Variants in SBF2 observed in about 807,000 individuals in gnomAD.
The protein encoded by SBF2 is SET binding factor 2, also known as myotubularin-related protein 13.
In SBF2, 112 loss-of-function variants were observed where a neutral mutation model predicts 225.2. That is an observed-to-expected ratio of 0.50 (90% confidence interval 0.43 to 0.58). The LOEUF (loss-of-function observed/expected upper bound fraction) is 0.58, where lower values mean the gene tolerates loss of function less well. Among genes scored for constraint, SBF2 ranks in the 20% least tolerant of loss-of-function variants. SBF2 has a pLI of 0.00. For missense variants in SBF2, 1,996 were observed against 2,206.2 expected (o/e 0.90, Z 1.91); for synonymous variants, 763 against 773.3 (o/e 0.99, Z 0.22).
intron 2 of SBF2, among the ~76,000 whole-genome samples, chr11:10,163,538 C>T (rs1238210953): frequency 1.3e-5 from 2 of 152,076 alleles, no homozygotes; most frequent in Admixed American, 6.5e-5. Context: ...TACCAGGAAC[C>T]ATTTTAAGCA....
chr11:10,092,220 C>T (rs747171526), intron 2 of SBF2, among the ~76,000 whole-genome samples: 1 of 152,062 alleles, frequency 6.6e-6, no homozygotes, highest in Non-Finnish European at 1.5e-5. Flanking sequence ...CAGTAAGGGT[C>T]TCAGGCCCTA....
chr11:9,895,583 T>C (rs1383330549), intron 17 of SBF2, among the ~76,000 whole-genome samples: 1 of 152,002 alleles, frequency 6.6e-6, no homozygotes, highest in East Asian at 1.9e-4. Context: ...TGAGTGGCCC[T>C]GGGACATAGC....
At chr11:9,806,110 T>G (rs1853830438) in intron 32 of SBF2, among the ~76,000 whole-genome samples, 1 of 152,246 alleles carries the variant, frequency 6.6e-6, no homozygotes, top group African/African-American at 2.4e-5. Flanking sequence ...CCAAGAATTC[T>G]CAGACTAAGT....
intron 39 of SBF2, among the ~76,000 whole-genome samples, chr11:9,781,044 A>G (rs1225282128): frequency 2.0e-5 from 3 of 152,240 alleles, no homozygotes; most frequent in Admixed American, 6.5e-5. Flanking sequence ...CAGGGACTAC[A>G]TAAGTCTCCT....
chr11:9,985,992 C>T (rs926388520), intron 13 of SBF2, among the ~76,000 whole-genome samples: 1 of 152,150 alleles, frequency 6.6e-6, no homozygotes, highest in African/African-American at 2.4e-5. Context: ...TTCTATTCAA[C>T]AGCACATGGA....
chr11:9,947,231 CA>C (rs1469556419), intron 16 of SBF2, among the ~76,000 whole-genome samples: 1 of 152,080 alleles, frequency 6.6e-6, no homozygotes, highest in East Asian at 1.9e-4. Context: ...GGGGTTAGTC[CA>C]TTGTTTTAAA....
Position 9,998,284 on chromosome 11 carries a change from A to C in SBF2, c.957T>G (p.Thr319=). 3 of 1,588,084 alleles carry C rather than the reference A, an allele frequency of 1.9e-6. No individual in the cohort carries two copies. Among genetic ancestry groups the C allele is most frequent in the Non-Finnish European group, 2.6e-6 (3 of 1,156,616 alleles). Residue 319 remains threonine, a synonymous_variant, in exon 9 of 40, where the codon ACT becomes ACG. Transcript: ENST00000256190. Reference sequence around the variant, plus strand: ...GTCATACCAAAGAAAGAGCTGATTGAGTCTGATGTAGAAGTGGTTCTGGGA... The same window carrying C: ...GTCATACCAAAGAAAGAGCTGATTGCGTCTGATGTAGAAGTGGTTCTGGGA... ...SSLPEPLLHQ[T]QSALSLILHP...
intron 17 of SBF2, among the ~76,000 whole-genome samples, chr11:9,877,009 G>A (rs960024690): frequency 2.0e-5 from 3 of 152,290 alleles, no homozygotes; most frequent in African/African-American, 7.2e-5. Context: ...AAAGTGTTGG[G>A]ATTACAGGCG....
intron 26 of SBF2, among the ~76,000 whole-genome samples, chr11:9,835,756 ATAT>A (rs1364152133): frequency 6.6e-6 from 1 of 151,908 alleles, no homozygotes; most frequent in African/African-American, 2.4e-5. Flanking sequence ...CTTTTGCTCA[ATAT>A]TATGTTTATG....
chr11:10,290,530 A>G (rs10770106), intron 1 of SBF2, among the ~76,000 whole-genome samples: 57,470 of 151,776 alleles, frequency 0.38, 11,476 homozygotes, highest in Non-Finnish European at 0.42. Flanking sequence ...TCTTAGATCC[A>G]GACTGGGGTA....
At chr11:9,809,038 C>A in intron 30 of SBF2, 36 bp from the exon 31 acceptor site, 1 of 1,543,434 alleles carries the variant, frequency 6.5e-7, no homozygotes, top group Non-Finnish European at 9.0e-7. Context: ...TTAGACCAAG[C>A]GCTTTCTGAG....
At chr11:10,048,679 G>A (rs1415047600) in intron 2 of SBF2, among the ~76,000 whole-genome samples, 1 of 152,054 alleles carries the variant, frequency 6.6e-6, no homozygotes, top group African/African-American at 2.4e-5. Context: ...TCAAGCACCT[G>A]AGAGTTTTGT....
intron 1 of SBF2, among the ~76,000 whole-genome samples, chr11:10,271,069 A>T (rs1284966776): frequency 6.6e-6 from 1 of 151,788 alleles, no homozygotes. Context: ...GCACACAAAA[A>T]TCTCTGGAAA....
At chr11:9,997,808 T>C (rs1465463847) in intron 9 of SBF2, among the ~76,000 whole-genome samples, 1 of 152,188 alleles carries the variant, frequency 6.6e-6, no homozygotes, top group Non-Finnish European at 1.5e-5. Flanking sequence ...GGACACTTTA[T>C]GTATCAATAT....
chr11:9,893,826 C>T (rs1364126844), intron 17 of SBF2, among the ~76,000 whole-genome samples: 2 of 152,202 alleles, frequency 1.3e-5, no homozygotes, highest in African/African-American at 4.8e-5. Flanking sequence ...AAGTTTGCTT[C>T]TTTGTTAGGT....
intron 16 of SBF2, among the ~76,000 whole-genome samples, chr11:9,897,845 G>T (rs1861391366): frequency 6.6e-6 from 1 of 152,144 alleles, no homozygotes; most frequent in Admixed American, 6.5e-5. Context: ...ACTGGAGTCT[G>T]GATTTATCTA....
In SBF2 at chr11:9,785,186, C is replaced by T. The variant is rs1852288459; in HGVS notation, c.5170G>A (p.Gly1724Arg). Reference protein sequence around the residue: ...EQNSSISPSNGVERRAATLYS... With the variant: ...EQNSSISPSNRVERRAATLYS... ...AGCGTGGCTGCTCTTCGCTCCACTCCATTGGATGGGGAGATGCTGGAATTC... is the reference window on the plus strand; with the variant it reads ...AGCGTGGCTGCTCTTCGCTCCACTCTATTGGATGGGGAGATGCTGGAATTC... Residue 1724 changes from glycine (G) to arginine (R), a missense_variant, in exon 37 of 40, where the codon GGA becomes AGA. By Grantham distance (125) the Gly-to-Arg change is moderately radical. Coordinates refer to ENST00000256190, the MANE Select transcript of SBF2 (RefSeq NM_030962.4). 2.5e-6 allele frequency: 4 copies of T among 1,614,086 alleles called. No individual in the cohort carries two copies. The highest frequency in any genetic ancestry group is 3.4e-6 in the Non-Finnish European group (4 of 1,180,018).
chr11:9,878,337 G>A (rs775207127), intron 17 of SBF2, among the ~76,000 whole-genome samples: 8 of 152,060 alleles, frequency 5.3e-5, no homozygotes, highest in East Asian at 1.9e-4. Flanking sequence ...CTCCCATTCC[G>A]TAGGTTGCCT....
intron 1 of SBF2, among the ~76,000 whole-genome samples, chr11:10,275,418 C>G (rs1043468125): frequency 6.6e-6 from 1 of 152,000 alleles, no homozygotes; most frequent in Non-Finnish European, 1.5e-5. Flanking sequence ...GGTATGACAC[C>G]CATCTCCGCA....
Sources: gnomAD v4.1 joint callset for allele counts (sites outside exome capture counted in the v4.1 genomes callset) on GRCh38, gnomAD v4.1.1 for gene constraint, MANE v1.5 for transcripts, NCBI Gene and HGNC (gene_info 2026-07-23, HGNC 2026-07-21) for gene names.